TMEM71: variants seen among roughly 807,000 people sequenced by gnomAD.
The protein encoded by TMEM71 is transmembrane protein 71.
A neutral mutation model predicts 38.0 loss-of-function variants in TMEM71; 44 were observed. That is an observed-to-expected ratio of 1.16 (90% CI 0.91 to 1.49). The LOEUF (loss-of-function observed/expected upper bound fraction) is 1.49, where lower values mean the gene tolerates loss of function less well. Ranked by LOEUF, TMEM71 falls within the 40% of genes most tolerant of loss-of-function variation. TMEM71 has a pLI of 0.00. For missense variants in TMEM71, 367 were observed against 348.6 expected, an observed-to-expected ratio of 1.05 and a Z score of -0.42; for synonymous variants, 133 against 122.5, an observed-to-expected ratio of 1.09 and a Z score of -0.56.
At chr8:132,775,796 C>G in the TMEM71 span, among the ~76,000 whole-genome samples, 1 of 152,060 alleles carries the variant, frequency 6.6e-6, no homozygotes, top group African/African-American at 2.4e-5. Flanking sequence ...CGCCGCAGCT[C>G]CCTCTTCCCC....
intron 5 of TMEM71, among the ~76,000 whole-genome samples, chr8:132,733,216 G>A (rs148006268): frequency 2.6e-4 from 40 of 152,198 alleles, no homozygotes; most frequent in Middle Eastern, 3.4e-3. Context: ...AAAAGGCTCC[G>A]TGAGAAAAAG....
chr8:132,739,665 C>T (rs566874667), intron 5 of TMEM71, among the ~76,000 whole-genome samples: 2 of 152,252 alleles, frequency 1.3e-5, no homozygotes, highest in African/African-American at 4.8e-5. Context: ...TAACCCTGAA[C>T]TTCAGTTTTA....
intron 7 of TMEM71, among the ~76,000 whole-genome samples, chr8:132,720,026 T>G (rs937270204): frequency 1.3e-5 from 2 of 151,584 alleles, no homozygotes; most frequent in Non-Finnish European, 2.9e-5. Flanking sequence ...ATGTGTTGAA[T>G]GTCCCTTAAT....
At chr8:132,775,985 G>T in the TMEM71 span, among the ~76,000 whole-genome samples, 6 of 151,988 alleles carry the variant, frequency 3.9e-5, no homozygotes, top group African/African-American at 1.2e-4. Flanking sequence ...TTACATTGTC[G>T]GTCTCTATGT....
chr8:132,727,550 C>T (rs891300998), intron 6 of TMEM71, among the ~76,000 whole-genome samples: 19 of 152,128 alleles, frequency 1.2e-4, no homozygotes, highest in Admixed American at 1.0e-3. Context: ...CCTGCCGTGC[C>T]CGGTCTCTGA....
chr8:132,735,683 G>C (rs758589019), intron 5 of TMEM71, among the ~76,000 whole-genome samples: 3 of 152,188 alleles, frequency 2.0e-5, no homozygotes, highest in Non-Finnish European at 4.4e-5. Context: ...CTTTGAAATT[G>C]TTTGGACATA....
chr8:132,747,159 T>C, intron 4 of TMEM71, 45 bp from the exon 5 acceptor site: 1 of 1,472,744 alleles, frequency 6.8e-7, no homozygotes, highest in Non-Finnish European at 9.1e-7. Context: ...AATAGTTACC[T>C]TTAGTTCAAA....
intron 5 of TMEM71, among the ~76,000 whole-genome samples, chr8:132,740,689 T>A (rs552825519): frequency 6.6e-6 from 1 of 152,160 alleles, no homozygotes; most frequent in African/African-American, 2.4e-5. Context: ...GTCAATTGCA[T>A]GTAAGGGAAA....
chr8:132,748,392 A>G (rs1385339160), intron 4 of TMEM71, among the ~76,000 whole-genome samples: 1 of 152,236 alleles, frequency 6.6e-6, no homozygotes, highest in Non-Finnish European at 1.5e-5. Context: ...TGGTGAGAAG[A>G]GGCTAGAGAT....
the TMEM71 span, among the ~76,000 whole-genome samples, chr8:132,773,358 T>C: frequency 3.3e-5 from 5 of 152,240 alleles, no homozygotes; most frequent in Non-Finnish European, 7.3e-5. Flanking sequence ...GACCTTATTT[T>C]ATTTTTTTCT....
chr8:132,755,561 G>C (rs1374034013), intron 3 of TMEM71, among the ~76,000 whole-genome samples: 1 of 152,220 alleles, frequency 6.6e-6, no homozygotes, highest in East Asian at 1.9e-4. Context: ...TCCTAGGATA[G>C]GACAAAGACT....
rs774714541 is a variant in TMEM71, at chr8:132,748,372, T to C, written c.315-1258A>G. Among the ~76,000 whole-genome samples, 16 of 152,330 alleles carry C rather than the reference T, an allele frequency of 1.1e-4. No homozygotes were observed. The South Asian group carries it at 3.3e-3, about 32-fold the overall frequency. Reference sequence around the variant, plus strand: ...TAATGTTACACCAGGGAAGGAGTGCTCCTGGCAGATGGTGAGAAGAGGCTA... The same window carrying C: ...TAATGTTACACCAGGGAAGGAGTGCCCCTGGCAGATGGTGAGAAGAGGCTA... On this transcript the variant is annotated intron_variant, in intron 4 of 9. Coordinates refer to ENST00000677595, the MANE Select transcript of TMEM71 (RefSeq NM_001382403.1).
downstream of TMEM71, among the ~76,000 whole-genome samples, chr8:132,706,918 C>A (rs1348086413): frequency 6.6e-6 from 1 of 152,078 alleles, no homozygotes; most frequent in East Asian, 1.9e-4. Context: ...GAATATGACA[C>A]CACCTAGGAA....
At chr8:132,727,714 A>T (rs1827225492) in intron 6 of TMEM71, 84 bp downstream of exon 6, 1 of 1,287,454 alleles carries the variant, frequency 7.8e-7, no homozygotes, top group Non-Finnish European at 1.1e-6. Context: ...TCCTAACTGC[A>T]TTTTAGTCAT....
chr8:132,711,009 T>G (rs967111046), intron 9 of TMEM71, 27 bp from the exon 10 acceptor site: 4 of 1,605,024 alleles, frequency 2.5e-6, no homozygotes, highest in Non-Finnish European at 3.4e-6. Flanking sequence ...AGAAAAGAAA[T>G]GCATAATTCA....
intron 4 of TMEM71, among the ~76,000 whole-genome samples, chr8:132,748,749 G>C (rs148089186): frequency 1.3e-5 from 2 of 152,156 alleles, no homozygotes; most frequent in African/African-American, 4.8e-5. Context: ...TCAAATTTGA[G>C]AACAAAAAGT....
chr8:132,740,856 A>G (rs1041224210), intron 5 of TMEM71, among the ~76,000 whole-genome samples: 1 of 152,130 alleles, frequency 6.6e-6, no homozygotes, highest in Non-Finnish European at 1.5e-5. Flanking sequence ...GGGGTCCTGT[A>G]TTTTATTCTG....
At chr8:132,759,599 T>C (rs1394917044) in intron 1 of TMEM71, among the ~76,000 whole-genome samples, 1 of 152,246 alleles carries the variant, frequency 6.6e-6, no homozygotes, top group African/African-American at 2.4e-5. Context: ...CATTTACTGT[T>C]CATCAAATAG....
intron 4 of TMEM71, among the ~76,000 whole-genome samples, chr8:132,748,958 T>C (rs1828542925): frequency 1.3e-5 from 2 of 152,210 alleles, no homozygotes; most frequent in African/African-American, 2.4e-5. Flanking sequence ...ATGGCAGTAA[T>C]AAAATCTACG....
Sources: allele counts gnomAD v4.1 joint callset (sites outside exome capture counted in the v4.1 genomes callset), GRCh38; gene constraint gnomAD v4.1.1; transcripts MANE v1.5; gene names NCBI Gene and HGNC (gene_info 2026-07-23, HGNC 2026-07-21).